The following NTN1 variants were observed in gnomAD, a reference collection of about 807,000 sequenced individuals.
NTN1 encodes the protein netrin-1.
A neutral mutation model predicts 54.2 loss-of-function variants in NTN1; 11 were observed. That is an observed-to-expected ratio of 0.20 (90% CI 0.13 to 0.34). The LOEUF is 0.34. Ranked by LOEUF, NTN1 falls within the 10% of genes least tolerant of loss-of-function variation. The pLI is 1.00. For synonymous variants in NTN1, 371 were observed against 382.0 expected, an observed-to-expected ratio of 0.97 and a Z score of 0.33; for missense variants, 740 against 893.1, an observed-to-expected ratio of 0.83 and a Z score of 2.18.
At chr17:9,174,342 T>C (rs1030202381) in intron 3 of NTN1, 2 of 152,220 alleles carry the variant, frequency 1.3e-5, no homozygotes, top group African/African-American at 4.8e-5. Flanking sequence ...TTCCTTCCCA[T>C]GAGTACAGGA....
At chr17:9,098,222 G>A (rs1328352627) in intron 2 of NTN1, among the ~76,000 whole-genome samples, 1 of 152,192 alleles carries the variant, frequency 6.6e-6, no homozygotes, top group Non-Finnish European at 1.5e-5. Flanking sequence ...CTGTTCGTGT[G>A]ACCCTGATGC....
intron 5 of NTN1, among the ~76,000 whole-genome samples, chr17:9,188,861 T>A (rs1904364175): frequency 6.6e-6 from 1 of 152,152 alleles, no homozygotes; most frequent in African/African-American, 2.4e-5. Context: ...GGGGGATCAC[T>A]GGAGACCGTG....
the NTN1 span, among the ~76,000 whole-genome samples, chr17:9,009,024 G>C: frequency 2.0e-5 from 3 of 152,202 alleles, no homozygotes; most frequent in African/African-American, 4.8e-5. Flanking sequence ...CAGGGTGACA[G>C]AGTAAGACTC....
intron 5 of NTN1, among the ~76,000 whole-genome samples, chr17:9,205,661 G>T (rs35276234): frequency 6.6e-6 from 1 of 152,136 alleles, no homozygotes; most frequent in African/African-American, 2.4e-5. Flanking sequence ...GCATTGCGAT[G>T]GGGGGAGGTT....
At chr17:9,107,486 C>T (rs1305262081) in intron 2 of NTN1, among the ~76,000 whole-genome samples, 2 of 152,104 alleles carry the variant, frequency 1.3e-5, no homozygotes, top group East Asian at 1.9e-4. Context: ...TTTGGGGGTG[C>T]GGGAGGAACG....
intron 2 of NTN1, among the ~76,000 whole-genome samples, chr17:9,063,577 T>C (rs570445639): frequency 2.7e-4 from 40 of 148,716 alleles, no homozygotes; most frequent in African/African-American, 9.7e-4. Context: ...GGTGACAGAG[T>C]CTTGCTGTCT....
intron 2 of NTN1, among the ~76,000 whole-genome samples, chr17:9,074,905 A>C (rs2092044220): frequency 6.6e-6 from 1 of 152,254 alleles, no homozygotes; most frequent in Non-Finnish European, 1.5e-5. Context: ...CTGTTGGAAT[A>C]AGTGAGCCGT....
intron 5 of NTN1, among the ~76,000 whole-genome samples, chr17:9,191,541 A>C (rs1350693437): frequency 6.6e-6 from 1 of 152,194 alleles, no homozygotes; most frequent in Non-Finnish European, 1.5e-5. Context: ...AGAAAAATAT[A>C]TGTGACATGG....
chr17:9,072,666 A>G (rs990120132), intron 2 of NTN1, among the ~76,000 whole-genome samples: 1 of 152,070 alleles, frequency 6.6e-6, no homozygotes, highest in Non-Finnish European at 1.5e-5. Context: ...ATGGGAAGTG[A>G]GTGGGAGGCA....
intron 2 of NTN1, among the ~76,000 whole-genome samples, chr17:9,038,265 C>CACACACACACACACACACACACACACACA (rs55982115): frequency 0.025 from 3,600 of 144,004 alleles, 95 homozygotes; most frequent in African/African-American, 0.037. Flanking sequence ...TTCTCTCTCT[C>CACACACACACACACACACACACACACACA]CACACACACA....
At chr17:9,120,490 A>C (rs1402628651) in intron 2 of NTN1, among the ~76,000 whole-genome samples, 5 of 152,174 alleles carry the variant, frequency 3.3e-5, no homozygotes, top group African/African-American at 1.2e-4. Context: ...ATAGTCCCCT[A>C]CTTGGGGAGA....
In NTN1 at chr17:9,022,777, C is replaced by T. The variant is rs779814893; in HGVS notation, c.404C>T (p.Thr135Ile). 1 of 1,610,474 alleles carries T rather than the reference C, an allele frequency of 6.2e-7. No individual in the cohort carries two copies. The highest frequency in any genetic ancestry group is 1.7e-5 in the Admixed American group (1 of 59,814). The change falls in exon 2 of 7, where the codon ACA (threonine) becomes ATA (isoleucine). Residue 135 changes from threonine to isoleucine, a missense_variant. Transcript: ENST00000173229. Reference sequence around the variant, plus strand: ...CAGTTCCCGCACAACGTCACGCTCACACTGTCCCTCGGCAAGAAGTTCGAA... The same window carrying T: ...CAGTTCCCGCACAACGTCACGCTCATACTGTCCCTCGGCAAGAAGTTCGAA... The part of the protein sequence containing the change: ...YLQFPHNVTL[T>I]LSLGKKFEVT...
intron 5 of NTN1, among the ~76,000 whole-genome samples, chr17:9,220,358 C>T (rs762346806): frequency 7.9e-5 from 12 of 152,226 alleles, no homozygotes; most frequent in Non-Finnish European, 7.3e-5. Context: ...TGTGCCGTCA[C>T]GTGAAGCTGT....
At chr17:9,110,271 C>CTTTT (rs11386128) in intron 2 of NTN1, among the ~76,000 whole-genome samples, 1 of 147,202 alleles carries the variant, frequency 6.8e-6, no homozygotes. Flanking sequence ...CCTCCTGCCT[C>CTTTT]TTTTTTTTTT....
At position 9,221,211 on chromosome 17, in the gene NTN1, T is replaced by G; in HGVS notation, c.1455T>G (p.Ile485Met). Residue 485 changes from isoleucine (I) to methionine (M), a missense_variant, in exon 6 of 7, where the codon ATT becomes ATG. By Grantham distance (10) the Ile-to-Met change is conservative (BLOSUM62 1). Coordinates refer to ENST00000173229, the MANE Select transcript of NTN1 (RefSeq NM_004822.3). The surrounding 1 kb of genome is among the most constrained non-coding windows in gnomAD (Gnocchi z 4.5). ...YCKASKGKLK[I>M]NMKKYCKKDY... The stretch of plus-strand genomic sequence containing the variant: ...AGGCCTCCAAGGGGAAGCTGAAGAT[T>G]AACATGAAAAAGTACTGCAAGAAGG... 6.2e-7 allele frequency: 1 copy of G among 1,611,806 alleles called. No homozygotes were observed. Among genetic ancestry groups the G allele is most frequent in the Non-Finnish European group, 8.5e-7 (1 of 1,179,540 alleles).
chr17:9,054,937 AAT>A (rs1387375518), intron 2 of NTN1, among the ~76,000 whole-genome samples: 2 of 152,214 alleles, frequency 1.3e-5, no homozygotes, highest in African/African-American at 4.8e-5. Flanking sequence ...AGGGCTAAAC[AAT>A]AGCGGTTTTA....
intron 5 of NTN1, among the ~76,000 whole-genome samples, chr17:9,191,974 CAAA>C (rs199861842): frequency 4.5e-5 from 6 of 132,370 alleles, no homozygotes; most frequent in Admixed American, 7.7e-5. Flanking sequence ...GACCCTGTCT[CAAA>C]AAAAAAAAAA....
chr17:9,231,533 C>T (rs1366323460), intron 6 of NTN1, among the ~76,000 whole-genome samples: 1 of 152,246 alleles, frequency 6.6e-6, no homozygotes, highest in Non-Finnish European at 1.5e-5. Context: ...TGCATGGATG[C>T]TAACCCCACA....
the NTN1 span, among the ~76,000 whole-genome samples, chr17:9,007,353 C>T: frequency 7.4e-6 from 1 of 135,956 alleles, no homozygotes; most frequent in Non-Finnish European, 1.5e-5. Context: ...TTCTCTTTCT[C>T]TCTCTCTTTT....
Sources: allele counts gnomAD v4.1 joint callset (sites outside exome capture counted in the v4.1 genomes callset), GRCh38; gene constraint gnomAD v4.1.1; non-coding constraint Gnocchi (gnomAD v3.1); transcripts MANE v1.5; gene names NCBI Gene and HGNC (gene_info 2026-07-23, HGNC 2026-07-21).